LAMA1: variants seen among roughly 807,000 people sequenced by gnomAD.
The protein encoded by LAMA1 is laminin subunit alpha-1.
Under a neutral mutation model 348.7 loss-of-function variants are expected in LAMA1, and 219 were observed. That is an observed-to-expected ratio of 0.63 (90% CI 0.56 to 0.70). The LOEUF (loss-of-function observed/expected upper bound fraction) is 0.70. Ranked by LOEUF, LAMA1 falls within the 30% of genes least tolerant of loss-of-function variation. The probability of loss-of-function intolerance (pLI) is 0.00; values close to 1 mark genes in which losing one functional copy is unlikely to be tolerated. For synonymous variants in LAMA1, 1,487 were observed against 1,491.0 expected (o/e 1.00, Z 0.06); for missense variants, 3,744 against 3,888.0 (o/e 0.96, Z 0.99).
chr18:7,096,904 C>T (rs1225728527), intron 1 of LAMA1, among the ~76,000 whole-genome samples: 1 of 152,170 alleles, frequency 6.6e-6, no homozygotes, highest in Non-Finnish European at 1.5e-5. Context: ...TGGAAGAGAG[C>T]GTCCTTCCAG....
At chr18:6,974,756 C>T (rs1359009772) in intron 46 of LAMA1, 147 bp downstream of exon 46, 1 of 1,094,454 alleles carries the variant, frequency 9.1e-7, no homozygotes, top group Non-Finnish European at 1.3e-6. Context: ...ATGCTTATTT[C>T]TACAGCTAAC....
chr18:7,026,468 C>T (rs1008390528), intron 16 of LAMA1, among the ~76,000 whole-genome samples: 1 of 152,132 alleles, frequency 6.6e-6, no homozygotes, highest in Non-Finnish European at 1.5e-5. Flanking sequence ...ACAGTGTCCG[C>T]CTCCAACTGT....
intron 32 of LAMA1, 75 bp downstream of exon 32, chr18:6,999,370 G>T: frequency 1.4e-6 from 2 of 1,431,116 alleles, no homozygotes; most frequent in Non-Finnish European, 2.0e-6. Context: ...ACACTTTAGC[G>T]TGCCGTCACC....
At chr18:7,007,828 C>G (rs577853114) in intron 28 of LAMA1, among the ~76,000 whole-genome samples, 1 of 152,204 alleles carries the variant, frequency 6.6e-6, no homozygotes, top group East Asian at 1.9e-4. Flanking sequence ...AATTCTGACA[C>G]ATGCTACAAC....
At chr18:7,046,192 G>T in intron 6 of LAMA1, 86 bp downstream of exon 6, 1 of 875,400 alleles carries the variant, frequency 1.1e-6, no homozygotes, top group Non-Finnish European at 1.9e-6. Flanking sequence ...TTTCATGTTT[G>T]TTTGGAATAA....
At position 7,011,469 on chromosome 18, in the gene LAMA1, C is replaced by T. The variant is rs760766760; in HGVS notation, c.3518G>A (p.Gly1173Asp). ...CACACGCAGAAGAGGCTGATCGGAGCCCAGCGTTACCTAAACCACGAAAGG... is the reference window on the plus strand; with the variant it reads ...CACACGCAGAAGAGGCTGATCGGAGTCCAGCGTTACCTAAACCACGAAAGG... ...EDYVRTPVTL[G>D]SDQPLLRVVS... The change falls in exon 25 of 63, where the codon GGC (glycine) becomes GAC (aspartate). Residue 1173 changes from glycine to aspartate, a missense_variant. Physicochemically the swap from Gly to Asp is moderately conservative, Grantham distance 94. Coordinates refer to ENST00000389658, the MANE Select transcript of LAMA1 (RefSeq NM_005559.4). 3.1e-6 allele frequency: 5 copies of T among 1,603,592 alleles called. No homozygotes were observed. The African/African-American group carries it at 6.7e-5, about 21-fold the overall frequency.
chr18:7,111,179 C>G (rs547068390), intron 1 of LAMA1, among the ~76,000 whole-genome samples: 1 of 152,174 alleles, frequency 6.6e-6, no homozygotes, highest in Admixed American at 6.5e-5. Flanking sequence ...TCAAAGATAA[C>G]TTCTGGAATG....
chr18:7,092,623 C>T (rs1224654526), intron 1 of LAMA1, among the ~76,000 whole-genome samples: 6 of 81,864 alleles, frequency 7.3e-5, no homozygotes, highest in African/African-American at 2.2e-4. Flanking sequence ...GTCTCTGTCT[C>T]GGGAAAAAAA....
At chr18:7,094,817 G>A (rs1356274229) in intron 1 of LAMA1, among the ~76,000 whole-genome samples, 1 of 152,156 alleles carries the variant, frequency 6.6e-6, no homozygotes, top group Non-Finnish European at 1.5e-5. Flanking sequence ...CACACAGGCA[G>A]TGCCCAGAAC....
rs920117694 is a variant in LAMA1, at chr18:6,959,648, T to C, written c.7627-156A>G. ...AGCTGTCACAATGTTACATTTTGTA[T>C]GTTACTTTCTAATCTCTGTTCATAT... On this transcript the variant is annotated intron_variant, in intron 53 of 62. Transcript: ENST00000389658. 53 of 759,794 alleles carry C rather than the reference T, an allele frequency of 7.0e-5. No individual in the cohort carries two copies. In the African/African-American group the frequency reaches 9.0e-4, roughly 13 times the overall value. 47.1% of individuals were successfully genotyped at this position (759,794 alleles called of 1,614,324 possible).
chr18:7,070,973 T>G (rs2058143671), intron 3 of LAMA1, among the ~76,000 whole-genome samples: 1 of 150,016 alleles, frequency 6.7e-6, no homozygotes, highest in South Asian at 2.1e-4. Flanking sequence ...ATGAAGGAAG[T>G]GTCAATACCC....
At chr18:7,025,122 A>C (rs2144145416) in intron 17 of LAMA1, among the ~76,000 whole-genome samples, 1 of 152,320 alleles carries the variant, frequency 6.6e-6, no homozygotes, top group Non-Finnish European at 1.5e-5. Flanking sequence ...AGGTTAAACC[A>C]GCGAGAGACA....
intron 11 of LAMA1, 69 bp from the exon 12 acceptor site, chr18:7,037,820 G>A: frequency 6.7e-7 from 1 of 1,486,234 alleles, no homozygotes; most frequent in South Asian, 1.2e-5. Context: ...CAGTGCAGCA[G>A]TAATATTTTC....
intron 1 of LAMA1, among the ~76,000 whole-genome samples, chr18:7,106,738 G>A (rs1274583772): frequency 6.6e-6 from 1 of 151,956 alleles, no homozygotes; most frequent in Non-Finnish European, 1.5e-5. Context: ...TAAGACCTGG[G>A]TATTGATATT....
Position 7,117,432 on chromosome 18 carries a change from G to A in LAMA1, c.61+228C>T, listed in dbSNP as rs551050173. On this transcript the variant is annotated intron_variant, in intron 1 of 62. Coordinates refer to ENST00000389658, the MANE Select transcript of LAMA1 (RefSeq NM_005559.4). ...GGCTTTAACCCCAAAGCCCGAGGAG[G>A]TTAAAGCCTAAGCCTGCAAAGAGCG... Among the ~76,000 whole-genome samples, 330 of 152,066 alleles carry A rather than the reference G, an allele frequency of 2.2e-3. 3 individuals carry two copies. The highest frequency in any genetic ancestry group is 7.5e-3 in the African/African-American group (313 of 41,476).
At chr18:7,013,709 C>A in intron 23 of LAMA1, 106 bp downstream of exon 23, 2 of 1,015,966 alleles carry the variant, frequency 2.0e-6, no homozygotes, top group Non-Finnish European at 3.1e-6. Flanking sequence ...TGTGAACTCA[C>A]TAGGAAAAGC....
In LAMA1 at chr18:7,002,263, C is replaced by G; in HGVS notation, c.4382+1G>C. 1 of 1,611,540 alleles carries G rather than the reference C, an allele frequency of 6.2e-7. No homozygotes were observed. The highest frequency in any genetic ancestry group is 8.5e-7 in the Non-Finnish European group (1 of 1,179,910). ...TGCCAGCTGCCCCTGTGGGGACTCACCTGGCAGGAGGGCTGTGAGGACAGG... is the reference window on the plus strand; with the variant it reads ...TGCCAGCTGCCCCTGTGGGGACTCAGCTGGCAGGAGGGCTGTGAGGACAGG... On this transcript the variant is annotated splice_donor_variant, in intron 30 of 62. Transcript: ENST00000389658. LOFTEE classifies it high-confidence loss of function.
intron 57 of LAMA1, chr18:6,954,393 G>A (rs2057564573): frequency 6.6e-6 from 1 of 152,568 alleles, no homozygotes; most frequent in Non-Finnish European, 1.5e-5. Context: ...ATTGTGATTT[G>A]GGGCTAGAGA....
At chr18:7,091,037 A>G (rs1046924131) in intron 1 of LAMA1, among the ~76,000 whole-genome samples, 5 of 152,240 alleles carry the variant, frequency 3.3e-5, no homozygotes, top group African/African-American at 1.2e-4. Flanking sequence ...ACAGTATGTT[A>G]TCAGTATCCA....
Sources: gnomAD v4.1 joint callset for allele counts (sites outside exome capture counted in the v4.1 genomes callset) on GRCh38, gnomAD v4.1.1 for gene constraint, MANE v1.5 for transcripts, NCBI Gene and HGNC (gene_info 2026-07-23, HGNC 2026-07-21) for gene names.